The following TM7SF3 variants were observed in gnomAD, a reference collection of about 807,000 sequenced individuals.
TM7SF3 encodes seven span transmembrane protein.
Under a neutral mutation model 65.5 loss-of-function variants are expected in TM7SF3, and 60 were observed. The observed-to-expected ratio is 0.92, with a 90% confidence interval of 0.74 to 1.14. The LOEUF is 1.14. TM7SF3 is among the 50% of genes most tolerant of loss of function. The pLI is 0.00. For synonymous variants in TM7SF3, 264 were observed against 259.6 expected (o/e 1.02, Z -0.16); for missense variants, 623 against 684.8 (o/e 0.91, Z 1.01).
intron 1 of TM7SF3, among the ~76,000 whole-genome samples, chr12:27,012,200 T>TCA: frequency 6.6e-6 from 1 of 152,316 alleles, no homozygotes; most frequent in African/African-American, 2.4e-5. Flanking sequence ...TCACCTGGGT[T>TCA]CAAGTCCTAT....
At chr12:26,999,871 G>GA (rs1940760439) in intron 2 of TM7SF3, 195 bp from the exon 3 acceptor site, 2 of 531,692 alleles carry the variant, frequency 3.8e-6, no homozygotes, top group Admixed American at 6.3e-5. Context: ...AAGCATTCTT[G>GA]AAAAATATAC....
chr12:26,978,328 T>C (rs1437934709), intron 9 of TM7SF3: 2 of 164,242 alleles, frequency 1.2e-5, no homozygotes, highest in Non-Finnish European at 2.7e-5. Context: ...TCCTCACATC[T>C]ATCCTATGAG....
chr12:26,983,770 A>T (rs1159713017), intron 6 of TM7SF3, among the ~76,000 whole-genome samples: 1 of 152,236 alleles, frequency 6.6e-6, no homozygotes, highest in Non-Finnish European at 1.5e-5. Context: ...ACAAATTACT[A>T]CCAGTCTTAT....
intron 3 of TM7SF3, among the ~76,000 whole-genome samples, chr12:26,997,684 C>T (rs1940654810): frequency 2.6e-5 from 4 of 152,044 alleles, no homozygotes; most frequent in African/African-American, 4.8e-5. Context: ...ATTTATTCAC[C>T]TCACCTTCAC....
intron 1 of TM7SF3, among the ~76,000 whole-genome samples, chr12:27,003,936 T>C (rs1007221489): frequency 6.6e-6 from 1 of 152,170 alleles, no homozygotes; most frequent in Non-Finnish European, 1.5e-5. Flanking sequence ...CAAAGGAAGG[T>C]GAAATCAATA....
intron 2 of TM7SF3, among the ~76,000 whole-genome samples, chr12:27,000,395 T>C (rs1458957891): frequency 6.6e-6 from 1 of 152,124 alleles, no homozygotes; most frequent in Non-Finnish European, 1.5e-5. Flanking sequence ...CCCCAAGGAG[T>C]TCAGTTTTCG....
intron 4 of TM7SF3, among the ~76,000 whole-genome samples, chr12:26,996,229 G>A (rs1241625286): frequency 6.6e-6 from 1 of 151,808 alleles, no homozygotes; most frequent in Non-Finnish European, 1.5e-5. Flanking sequence ...TAACCCCTAG[G>A]GAAACTTTCT....
chr12:27,011,283 G>A (rs1234381364), intron 1 of TM7SF3, among the ~76,000 whole-genome samples: 1 of 152,224 alleles, frequency 6.6e-6, no homozygotes, highest in Non-Finnish European at 1.5e-5. Flanking sequence ...CCCAAATGAT[G>A]CTGTGCTCAA....
At chr12:27,011,180 C>T (rs1941231588) in intron 1 of TM7SF3, among the ~76,000 whole-genome samples, 1 of 152,218 alleles carries the variant, frequency 6.6e-6, no homozygotes, top group Non-Finnish European at 1.5e-5. Context: ...ATATTAGCTT[C>T]ACACACTTTT....
rs1179125410 is a variant in TM7SF3 at position 27,014,207 on chromosome 12, G to A, written c.-39C>T. On this transcript the variant is annotated 5_prime_UTR_variant, in exon 1 of 12. Transcript: ENST00000343028. ...GGGCTGGGCCCACGCCAGGGCTGGG[G>A]AGAGGTGCGGGCGTGCGCGCCGGGG... 1 of 1,544,954 alleles carries A rather than the reference G, an allele frequency of 6.5e-7. No individual in the cohort carries two copies. Among genetic ancestry groups the A allele is most frequent in the Non-Finnish European group, 8.8e-7 (1 of 1,142,660 alleles).
chr12:26,988,434 G>T (rs1323629176), intron 6 of TM7SF3, among the ~76,000 whole-genome samples: 1 of 152,142 alleles, frequency 6.6e-6, no homozygotes, highest in African/African-American at 2.4e-5. Context: ...AATGTGCTGG[G>T]ATTACAGGCG....
At chr12:27,006,232 G>A (rs900514845) in intron 1 of TM7SF3, among the ~76,000 whole-genome samples, 1 of 145,672 alleles carries the variant, frequency 6.9e-6, no homozygotes, top group African/African-American at 2.6e-5. Context: ...TCCACCTCCA[G>A]GTTCAAGCAA....
At position 26,977,153 on chromosome 12, in the gene TM7SF3, T is replaced by C. The variant is rs60000836; in HGVS notation, c.1190-796A>G. 3.8e-3 allele frequency among the ~76,000 whole-genome samples: 572 copies of C among 152,332 alleles called. 3 individuals are homozygous for C. The highest frequency in any genetic ancestry group is 0.013 in the African/African-American group (553 of 41,574). On this transcript the variant is annotated intron_variant, in intron 9 of 11. Transcript: ENST00000343028. ...GTCAGAGTGGAAGACTGGGAGTCCC[T>C]AGGCTACAGGACTGGACCTTGAGAC...
chr12:27,008,493 T>C (rs1941125637), intron 1 of TM7SF3, among the ~76,000 whole-genome samples: 1 of 152,342 alleles, frequency 6.6e-6, no homozygotes, highest in South Asian at 2.1e-4. Flanking sequence ...TTTCACTCTG[T>C]TACCTTTAGA....
rs751043308 is a variant in TM7SF3 at position 26,979,906 on chromosome 12, C to G, written c.1067G>C (p.Ser356Thr). The change falls in exon 9 of 12, where the codon AGC becomes ACC. Residue 356 changes from serine (S) to threonine (T), a missense_variant. Physicochemically the swap from Ser to Thr is moderately conservative, Grantham distance 58 (BLOSUM62 1). Coordinates refer to ENST00000343028, the MANE Select transcript of TM7SF3 (RefSeq NM_016551.3). ...VNLILTAVTGSVGGMFLVAVW... is the reference protein window; with the variant it reads ...VNLILTAVTGTVGGMFLVAVW... ...AGCTACCAAGAACATTCCACCGACGCTTCCAGTGACAGCTGTCAGAATCAG... is the reference window on the plus strand; with the variant it reads ...AGCTACCAAGAACATTCCACCGACGGTTCCAGTGACAGCTGTCAGAATCAG... The G allele has an allele frequency of 6.2e-7, 1 of 1,614,174 alleles. No homozygotes were observed. Among genetic ancestry groups the G allele is most frequent in the East Asian group, 2.2e-5 (1 of 44,886 alleles).
At position 26,986,088 on chromosome 12, in the gene TM7SF3, A is replaced by G. The variant is rs572203242; in HGVS notation, c.869-3229T>C. On this transcript the variant is annotated intron_variant, in intron 6 of 11. Coordinates refer to ENST00000343028, the MANE Select transcript of TM7SF3 (RefSeq NM_016551.3). The stretch of plus-strand genomic sequence containing the variant: ...CGTGATCCGCCCGCCTTGGCCTCCC[A>G]AAGTGCTGGGATTACAGGCGTGAGC... Among the ~76,000 whole-genome samples, 545 of 151,618 alleles carry G rather than the reference A, an allele frequency of 3.6e-3. 1 individual carries two copies. Among genetic ancestry groups the G allele is most frequent in the African/African-American group, 0.013 (523 of 41,316 alleles).
chr12:26,985,755 T>C (rs1940049252), intron 6 of TM7SF3, among the ~76,000 whole-genome samples: 1 of 138,400 alleles, frequency 7.2e-6, no homozygotes, highest in Non-Finnish European at 1.5e-5. Context: ...TTGTCTTGAG[T>C]GGAAGACTGA....
chr12:27,009,028 C>A (rs181068067), intron 1 of TM7SF3, among the ~76,000 whole-genome samples: 1 of 152,240 alleles, frequency 6.6e-6, no homozygotes, highest in East Asian at 1.9e-4. Context: ...AAAATACCAC[C>A]ATCTCCCCAC....
intron 5 of TM7SF3, among the ~76,000 whole-genome samples, chr12:26,994,200 C>G (rs1478859849): frequency 2.6e-5 from 4 of 152,172 alleles, no homozygotes; most frequent in Non-Finnish European, 2.9e-5. Flanking sequence ...AACAGAGCTT[C>G]TTATTTTGTG....
Sources: allele counts gnomAD v4.1 joint callset (sites outside exome capture counted in the v4.1 genomes callset), GRCh38; gene constraint gnomAD v4.1.1; transcripts MANE v1.5; gene names NCBI Gene and HGNC (gene_info 2026-07-23, HGNC 2026-07-21).